Variants in PXDN observed in about 807,000 individuals in gnomAD.
The protein encoded by PXDN is peroxidasin homolog.
A neutral mutation model predicts 140.3 loss-of-function variants in PXDN; 77 were observed. The observed-to-expected ratio is 0.55, with a 90% CI of 0.46 to 0.66. The LOEUF is 0.66. PXDN is among the 30% of genes least tolerant of loss of function. The pLI is 0.00. For synonymous variants in PXDN, 911 were observed against 857.4 expected, an observed-to-expected ratio of 1.06 and a Z score of -1.09; for missense variants, 1,838 against 2,039.5, an observed-to-expected ratio of 0.90 and a Z score of 1.90.
At chr2:1,690,994 G>C (rs1199805925) in intron 3 of PXDN, among the ~76,000 whole-genome samples, 8 of 152,194 alleles carry the variant, frequency 5.3e-5, no homozygotes, top group Non-Finnish European at 1.2e-4. Flanking sequence ...TGCATGTGGA[G>C]TGTAAAACCT....
In PXDN at chr2:1,640,074, C is replaced by T. The variant is rs112372676; in HGVS notation, c.3953-652G>A. On this transcript the variant is annotated intron_variant, in intron 19 of 22. Coordinates refer to ENST00000252804, the MANE Select transcript of PXDN (RefSeq NM_012293.3). The stretch of plus-strand genomic sequence containing the variant: ...GTGAGGGGCCCTCAGTGCCGTGTCC[C>T]TCCTGGTCCCCGGGTGAGTGAGGGG... Among the ~76,000 whole-genome samples, 358 of 143,600 alleles carry T rather than the reference C, an allele frequency of 2.5e-3. 1 individual carries two copies. Among genetic ancestry groups the T allele is most frequent in the Middle Eastern group, 7.9e-3 (2 of 252 alleles). 94.2% of individuals were successfully genotyped at this position (143,600 alleles called of 152,430 possible).
At chr2:1,719,916 GGGAT>G (rs1558525515) in intron 1 of PXDN, among the ~76,000 whole-genome samples, 3 of 88,218 alleles carry the variant, frequency 3.4e-5, no homozygotes, top group Non-Finnish European at 4.9e-5. Flanking sequence ...GAGGGAGGGA[GGGAT>G]GCAGAGAGGG....
Position 1,634,257 on chromosome 2 carries a change from G to A in PXDN, c.4387C>T (p.Pro1463Ser), listed in dbSNP as rs1312092484. Residue 1463 changes from proline to serine, a missense_variant, in exon 23 of 23, where the codon CCA becomes TCA. Around this residue, in one of 5 missense-constraint regions of PXDN, gnomAD observed 850 missense variants for 894.1 expected, o/e 0.95. Coordinates refer to ENST00000252804, the MANE Select transcript of PXDN (RefSeq NM_012293.3). ...PATCAVPVNI[P>S]GACCPVCLQK... Reference sequence around the variant, plus strand: ...AAGCAGACTGGACAGCAGGCCCCTGGGATGTTCACGGGGACAGCACAGGTG... The same window carrying A: ...AAGCAGACTGGACAGCAGGCCCCTGAGATGTTCACGGGGACAGCACAGGTG... The A allele has an allele frequency of 2.5e-6, 4 of 1,607,708 alleles. No homozygotes were observed. The highest frequency in any genetic ancestry group is 2.5e-6 in the Non-Finnish European group (3 of 1,177,382).
intron 1 of PXDN, among the ~76,000 whole-genome samples, chr2:1,735,898 G>A (rs918481563): frequency 5.3e-5 from 8 of 152,192 alleles, no homozygotes; most frequent in Admixed American, 5.2e-4. Context: ...AAAATCTGTT[G>A]TTGAATGTGG....
chr2:1,742,306 T>G (rs1685564592), intron 1 of PXDN, among the ~76,000 whole-genome samples: 1 of 152,178 alleles, frequency 6.6e-6, no homozygotes, highest in Admixed American at 6.5e-5. Flanking sequence ...CCTCACAGAA[T>G]CAACGTGACT....
chr2:1,663,519 T>A, intron 12 of PXDN, 86 bp downstream of exon 12: 1 of 1,530,568 alleles, frequency 6.5e-7, no homozygotes, highest in Non-Finnish European at 8.9e-7. Flanking sequence ...TAACGAAGAG[T>A]AACACTAATG....
At chr2:1,655,730 G>T (rs1273093209) in intron 14 of PXDN, among the ~76,000 whole-genome samples, 1 of 114,464 alleles carries the variant, frequency 8.7e-6, no homozygotes. Context: ...ACTGAAACAT[G>T]CCCCCTTCAG....
Position 1,744,381 on chromosome 2 carries a change from C to T in PXDN, c.75G>A (p.Leu25=), listed in dbSNP as rs1272033456. The stretch of plus-strand genomic sequence containing the variant: ...CGCCCGGCTTCTGGGCCACCACGGC[C>T]AGCGTCCCCCAGGCGCAGAACAGCA... ...ALVLFCAWGT[L]AVVAQKPGAG... Residue 25 remains leucine, a synonymous_variant, in exon 1 of 23, where the codon CTG becomes CTA. Transcript: ENST00000252804. The T allele has an allele frequency of 5.2e-6, 8 of 1,526,366 alleles. No homozygotes were observed. In the East Asian group the frequency reaches 7.5e-5, roughly 14 times the overall value. 94.6% of individuals were successfully genotyped at this position (1,526,366 alleles called of 1,614,324 possible).
rs745881710 is a variant in PXDN at position 1,638,943 on chromosome 2, G to A, written c.4109C>T (p.Thr1370Ile). 3.7e-6 allele frequency: 6 copies of A among 1,613,868 alleles called. No individual in the cohort carries two copies. Among genetic ancestry groups the A allele is most frequent in the Non-Finnish European group, 5.1e-6 (6 of 1,179,870 alleles). Residue 1370 changes from threonine (T) to isoleucine (I), a missense_variant, in exon 21 of 23, where the codon ACC becomes ATC. Physicochemically the swap from Thr to Ile is moderately conservative, Grantham distance 89. Transcript: ENST00000252804. The part of the protein sequence containing the change: ...GRQGEHLSNS[T>I]SAFSTRSDAS... ...ATCTGAGCGTGTGCTGAAGGCTGAG[G>A]TGCTGTTGCTGAGATGTTCCCCCTG... is the stretch of plus-strand genomic sequence containing the variant.
chr2:1,737,899 A>G (rs1467308392), intron 1 of PXDN, among the ~76,000 whole-genome samples: 1 of 152,210 alleles, frequency 6.6e-6, no homozygotes, highest in African/African-American at 2.4e-5. Flanking sequence ...TAGTGTTATG[A>G]ATTTAGAAAA....
chr2:1,701,446 C>T (rs1051394377), intron 1 of PXDN, among the ~76,000 whole-genome samples: 1 of 152,228 alleles, frequency 6.6e-6, no homozygotes, highest in Non-Finnish European at 1.5e-5. Context: ...CAAGCCTGCA[C>T]ACCGGCAGTC....
chr2:1,703,062 G>A (rs138233253), intron 1 of PXDN, among the ~76,000 whole-genome samples: 187 of 8,946 alleles, frequency 0.021, 32 homozygotes, highest in African/African-American at 0.17. Context: ...AGGGAGGGCA[G>A]CTCCAGGTGA....
In PXDN at chr2:1,685,174, G is replaced by T. The variant is rs959322506; in HGVS notation, c.417-1023C>A. 6.6e-5 allele frequency among the ~76,000 whole-genome samples: 10 copies of T among 152,208 alleles called. No individual in the cohort carries two copies. Among genetic ancestry groups the T allele is most frequent in the African/African-American group, 7.2e-5 (3 of 41,454 alleles). On this transcript the variant is annotated intron_variant, in intron 4 of 22. Transcript: ENST00000252804. The surrounding 1 kb of genome is among the most constrained non-coding windows in gnomAD (Gnocchi z 5.1). ...AGCTCCCCAGGCAGCACCCACACAGGCCACACTGAGTCTCTGCGGACACCT... is the reference window on the plus strand; with the variant it reads ...AGCTCCCCAGGCAGCACCCACACAGTCCACACTGAGTCTCTGCGGACACCT...
At chr2:1,695,138 TG>T (rs1479422505) in intron 1 of PXDN, among the ~76,000 whole-genome samples, 1 of 152,178 alleles carries the variant, frequency 6.6e-6, no homozygotes, top group Non-Finnish European at 1.5e-5. Context: ...GGCAACAGCG[TG>T]GAAGCTGGAA....
intron 1 of PXDN, among the ~76,000 whole-genome samples, chr2:1,707,439 C>T: frequency 6.6e-6 from 1 of 152,198 alleles, no homozygotes; most frequent in Admixed American, 6.5e-5. Context: ...CTGCATTGCT[C>T]ATCAATCCCA....
chr2:1,650,004 G>C (rs899979915), intron 16 of PXDN, among the ~76,000 whole-genome samples: 1 of 152,052 alleles, frequency 6.6e-6, no homozygotes, highest in Non-Finnish European at 1.5e-5. Context: ...CCCGACCCAC[G>C]TTGACCAGTC....
Position 1,648,360 on chromosome 2 carries a change from C to T in PXDN, c.3420G>A (p.Thr1140=), listed in dbSNP as rs1370236173. 10 of 1,613,574 alleles carry T rather than the reference C, an allele frequency of 6.2e-6. No individual in the cohort carries two copies. Among genetic ancestry groups the T allele is most frequent in the Non-Finnish European group, 8.5e-6 (10 of 1,179,902 alleles). Residue 1140 remains threonine (T), a synonymous_variant, in exon 17 of 23, where the codon ACG becomes ACA. Transcript: ENST00000252804. The surrounding 1 kb of genome is among the most constrained non-coding windows in gnomAD (Gnocchi z 8.9). ...TGTGTGCCATGGAGAACAGCCGCTCCGTGAGCTCCGTGTTCAGCAGCTGCG... is the reference window on the plus strand; with the variant it reads ...TGTGTGCCATGGAGAACAGCCGCTCTGTGAGCTCCGTGTTCAGCAGCTGCG... ...VPSQLLNTEL[T]ERLFSMAHTV... is the part of the protein sequence containing the mutation.
rs541208942 is a variant in PXDN at position 1,668,220 on chromosome 2, C to A, written c.1019-1734G>T. Among the ~76,000 whole-genome samples, 884 of 152,182 alleles carry A rather than the reference C, an allele frequency of 5.8e-3. 8 individuals are homozygous for A. Among genetic ancestry groups the A allele is most frequent in the African/African-American group, 0.02 (851 of 41,524 alleles). On this transcript the variant is annotated intron_variant, in intron 9 of 22. Transcript: ENST00000252804. ...TGGGGAAAGGATTCCCTATTTAATA[C>A]ATGGTGCTGGGAAAACTGGCTAGCC...
intron 1 of PXDN, among the ~76,000 whole-genome samples, chr2:1,701,770 G>A (rs560917939): frequency 3.0e-4 from 46 of 152,294 alleles, no homozygotes; most frequent in African/African-American, 1.0e-3. Context: ...TTGGGAGGTG[G>A]GGCCTCTGGG....
Sources: allele counts gnomAD v4.1 joint callset (sites outside exome capture counted in the v4.1 genomes callset), GRCh38; gene constraint gnomAD v4.1.1; regional missense constraint gnomAD v4.1.1; non-coding constraint Gnocchi (gnomAD v3.1); transcripts MANE v1.5; gene names NCBI Gene and HGNC (gene_info 2026-07-23, HGNC 2026-07-21).